The following ICE1 variants were observed in gnomAD, a reference collection of about 807,000 sequenced individuals.
ICE1 encodes the protein interactor of little elongation complex ELL subunit 1, also known as little elongation complex subunit 1.
In ICE1, 64 loss-of-function variants were observed where a neutral mutation model predicts 192.7. The observed-to-expected ratio is 0.33, with a 90% CI of 0.27 to 0.41. The LOEUF (loss-of-function observed/expected upper bound fraction) is 0.41, where lower values mean the gene tolerates loss of function less well. Among genes scored for constraint, ICE1 ranks in the 10% least tolerant of loss-of-function variants. The pLI is 1.00. For synonymous variants in ICE1, 1,010 were observed against 984.5 expected (o/e 1.03, Z -0.49); for missense variants, 2,708 against 2,696.0 (o/e 1.00, Z -0.10).
intron 16 of ICE1, among the ~76,000 whole-genome samples, chr5:5,474,006 C>T (rs773775245): frequency 2.6e-5 from 4 of 151,978 alleles, no homozygotes; most frequent in African/African-American, 9.7e-5. Flanking sequence ...GTCAGGAGAT[C>T]GAGACCACCC....
chr5:5,454,439 T>C lies in ICE1; in HGVS notation c.605-113T>C, dbSNP rs1012683040. On this transcript the variant is annotated intron_variant, in intron 10 of 18. Transcript: ENST00000296564. ...GCACAATGGTTGAGTTTGGGGAAGA[T>C]GTATATGTAATTTTCTAAGTCCCTA... The C allele has an allele frequency of 1.1e-4, 70 of 655,918 alleles. No homozygotes were observed. The East Asian group carries it at 1.9e-3, about 18-fold the overall frequency. The allele number at this position is 655,918 out of a possible 1,614,324, so 40.6% of individuals were successfully genotyped here.
At chr5:5,470,483 A>G (rs893022412) in intron 15 of ICE1, among the ~76,000 whole-genome samples, 7 of 152,236 alleles carry the variant, frequency 4.6e-5, no homozygotes, top group African/African-American at 1.7e-4. Context: ...AAATACATAG[A>G]GCTTTAAGAA....
intron 17 of ICE1, among the ~76,000 whole-genome samples, chr5:5,485,742 A>G (rs557780680): frequency 1.3e-5 from 2 of 152,386 alleles, no homozygotes; most frequent in East Asian, 1.9e-4. Flanking sequence ...AATGCCAACA[A>G]TACCCAAAAA....
chr5:5,460,721 C>T lies in ICE1; in HGVS notation c.1387C>T (p.His463Tyr), dbSNP rs751203472. 14 of 1,613,834 alleles carry T rather than the reference C, an allele frequency of 8.7e-6. No individual in the cohort carries two copies. The highest frequency in any genetic ancestry group is 1.2e-5 in the Non-Finnish European group (14 of 1,179,902). The change falls in exon 13 of 19, where the codon CAC becomes TAC. Residue 463 changes from histidine to tyrosine, a missense_variant. Physicochemically the swap from His to Tyr is moderately conservative, Grantham distance 83. Transcript: ENST00000296564. Reference protein sequence around the residue: ...SATHSLVGEKHWTTASRSMSD... With the variant: ...SATHSLVGEKYWTTASRSMSD... Reference sequence around the variant, plus strand: ...CACACACTCCTTAGTTGGTGAAAAACACTGGACCACAGCATCTCGATCCAT... The same window carrying T: ...CACACACTCCTTAGTTGGTGAAAAATACTGGACCACAGCATCTCGATCCAT...
intron 17 of ICE1, among the ~76,000 whole-genome samples, chr5:5,479,035 T>A (rs185244667): frequency 1.2e-3 from 176 of 152,294 alleles, no homozygotes; most frequent in African/African-American, 4.0e-3. Context: ...GACATAGGCA[T>A]GGGCAAAGAC....
rs1459920465 is a variant in ICE1, at chr5:5,435,755, C to T, written c.85-663C>T. Among the ~76,000 whole-genome samples the T allele has an allele frequency of 6.0e-5, 9 of 150,158 alleles. No homozygotes were observed. The South Asian group carries it at 8.4e-4, about 14-fold the overall frequency. On this transcript the variant is annotated intron_variant, in intron 1 of 18. Coordinates refer to ENST00000296564, the MANE Select transcript of ICE1 (RefSeq NM_015325.3). ...CACGATCTCGGCTCACTGCAACCTC[C>T]GCCTCTCAGGTTCAAGTGATTCTCC...
At chr5:5,465,975 A>G (rs953746257) in intron 13 of ICE1, among the ~76,000 whole-genome samples, 3 of 152,230 alleles carry the variant, frequency 2.0e-5, no homozygotes, top group African/African-American at 7.2e-5. Flanking sequence ...AGAATTACAT[A>G]CTGTATTTCA....
At chr5:5,479,450 C>A (rs1739434139) in intron 17 of ICE1, among the ~76,000 whole-genome samples, 1 of 152,162 alleles carries the variant, frequency 6.6e-6, no homozygotes, top group Non-Finnish European at 1.5e-5. Context: ...ACAACAGATG[C>A]TGGTGAGGCT....
Position 5,465,172 on chromosome 5 carries a change from C to G in ICE1, c.5838C>G (p.Pro1946=). ...HVYVGNISKK[P]VMRDQEKEVV... is the part of the protein sequence containing the mutation. The stretch of plus-strand genomic sequence containing the variant: ...ATGTGGGAAATATCTCCAAAAAGCC[C>G]GTAATGAGAGATCAAGAGAAGGAAG... Residue 1946 remains proline, a synonymous_variant, in exon 13 of 19, where the codon CCC becomes CCG. Transcript: ENST00000296564. 1 of 1,603,758 alleles carries G rather than the reference C, an allele frequency of 6.2e-7. No individual in the cohort carries two copies. Among genetic ancestry groups the G allele is most frequent in the Non-Finnish European group, 8.5e-7 (1 of 1,174,596 alleles).
chr5:5,448,695 A>C (rs1738321732), intron 10 of ICE1, among the ~76,000 whole-genome samples: 1 of 152,230 alleles, frequency 6.6e-6, no homozygotes. Flanking sequence ...AAAAACATTT[A>C]AATTGTGTGC....
At position 5,464,363 on chromosome 5, in the gene ICE1, G is replaced by A. The variant is rs774648840; in HGVS notation, c.5029G>A (p.Val1677Met). Residue 1677 changes from valine to methionine, a missense_variant, in exon 13 of 19, where the codon GTG (valine) becomes ATG (methionine). Physicochemically the swap from Val to Met is conservative, Grantham distance 21. Around this residue, in one of 2 missense-constraint regions of ICE1, gnomAD observed 2,366 missense variants for 2,276.6 expected, o/e 1.04. Coordinates refer to ENST00000296564, the MANE Select transcript of ICE1 (RefSeq NM_015325.3). This position sits in a 1 kb window ranked among gnomAD's most constrained non-coding sequence, Gnocchi z 4.0. ...GQVSPFRETP[V>M]PPAMSPWPED... Reference sequence around the variant, plus strand: ...GGTTTCTCCCTTCCGTGAAACCCCAGTGCCTCCTGCCATGTCTCCATGGCC... The same window carrying A: ...GGTTTCTCCCTTCCGTGAAACCCCAATGCCTCCTGCCATGTCTCCATGGCC... 2 of 1,613,656 alleles carry A rather than the reference G, an allele frequency of 1.2e-6. No individual in the cohort carries two copies. Among genetic ancestry groups the A allele is most frequent in the East Asian group, 2.2e-5 (1 of 44,858 alleles).
Position 5,422,903 on chromosome 5 carries a change from C to G in ICE1, c.-13C>G, listed in dbSNP as rs1224202790. On this transcript the variant is annotated 5_prime_UTR_variant, in exon 1 of 19. Transcript: ENST00000296564. Reference sequence around the variant, plus strand: ...CTGAGGCGTGCGTGCCCACCGGGCCCGGCGGCGGCACCATGATGCCGGGCG... The same window carrying G: ...CTGAGGCGTGCGTGCCCACCGGGCCGGGCGGCGGCACCATGATGCCGGGCG... 6 of 1,382,072 alleles carry G rather than the reference C, an allele frequency of 4.3e-6. No individual in the cohort carries two copies. The highest frequency in any genetic ancestry group is 3.2e-5 in the South Asian group (2 of 62,438). The allele number at this position is 1,382,072 out of a possible 1,614,324, so 85.6% of individuals were successfully genotyped here.
intron 1 of ICE1, among the ~76,000 whole-genome samples, chr5:5,424,599 T>TA (rs1223095400): frequency 6.6e-6 from 1 of 152,114 alleles, no homozygotes; most frequent in Non-Finnish European, 1.5e-5. Flanking sequence ...ACAAATGAGT[T>TA]ATGTTAGAGG....
chr5:5,445,639 C>T (rs2111353527), intron 7 of ICE1, among the ~76,000 whole-genome samples: 1 of 152,156 alleles, frequency 6.6e-6, no homozygotes, highest in African/African-American at 2.4e-5. Context: ...GTCTCGAACT[C>T]CTGACCTCAA....
Position 5,457,385 on chromosome 5 carries a change from C to G in ICE1, c.745C>G (p.Leu249Val), listed in dbSNP as rs765614814. The G allele has an allele frequency of 6.2e-7, 1 of 1,613,434 alleles. No homozygotes were observed. Among genetic ancestry groups the G allele is most frequent in the African/African-American group, 1.3e-5 (1 of 74,834 alleles). The part of the protein sequence containing the change: ...SSRVPGEDGT[L>V]PPTQGSPLRT... Reference sequence around the variant, plus strand: ...CAGAGTGCCTGGGGAAGATGGTACGCTACCTCCAACACAGGGCAGCCCTCT... The same window carrying G: ...CAGAGTGCCTGGGGAAGATGGTACGGTACCTCCAACACAGGGCAGCCCTCT... Residue 249 changes from leucine (L) to valine (V), a missense_variant, in exon 12 of 19, where the codon CTA becomes GTA. By Grantham distance (32) the Leu-to-Val change is conservative. Around this residue, in one of 2 missense-constraint regions of ICE1, gnomAD observed 2,366 missense variants for 2,276.6 expected, o/e 1.04. Coordinates refer to ENST00000296564, the MANE Select transcript of ICE1 (RefSeq NM_015325.3).
intron 18 of ICE1, among the ~76,000 whole-genome samples, chr5:5,488,160 G>T (rs779576857): frequency 1.3e-5 from 2 of 152,140 alleles, no homozygotes; most frequent in African/African-American, 2.4e-5. Context: ...TGTGGTTTAT[G>T]GGGGGGAGTA....
At chr5:5,430,056 G>C (rs1262829276) in intron 1 of ICE1, among the ~76,000 whole-genome samples, 1 of 152,208 alleles carries the variant, frequency 6.6e-6, no homozygotes, top group African/African-American at 2.4e-5. Flanking sequence ...TCTAGAAGAG[G>C]AGAGCAGGGC....
At chr5:5,474,827 T>C (rs1739265270) in intron 16 of ICE1, among the ~76,000 whole-genome samples, 1 of 152,228 alleles carries the variant, frequency 6.6e-6, no homozygotes, top group Admixed American at 6.5e-5. Context: ...TCCAAGGATG[T>C]CTGTTACTCT....
At chr5:5,471,979 TAAA>T (rs1175825668) in intron 15 of ICE1, among the ~76,000 whole-genome samples, 1 of 152,120 alleles carries the variant, frequency 6.6e-6, no homozygotes, top group Non-Finnish European at 1.5e-5. Context: ...ATAAACCTTT[TAAA>T]AAAGCATTTA....
Sources: allele counts gnomAD v4.1 joint callset (sites outside exome capture counted in the v4.1 genomes callset), GRCh38; gene constraint gnomAD v4.1.1; regional missense constraint gnomAD v4.1.1; non-coding constraint Gnocchi (gnomAD v3.1); transcripts MANE v1.5; gene names NCBI Gene and HGNC (gene_info 2026-07-23, HGNC 2026-07-21).